The following FBXL17 variants were observed in gnomAD, a reference collection of about 807,000 sequenced individuals.
FBXL17 encodes the protein F-box/LRR-repeat protein 17.
Under a neutral mutation model 66.2 loss-of-function variants are expected in FBXL17, and 22 were observed. The observed-to-expected ratio is 0.33, with a 90% CI of 0.24 to 0.47. FBXL17 has a LOEUF of 0.47. Ranked by LOEUF, FBXL17 falls within the 20% of genes least tolerant of loss-of-function variation. The pLI is 1.00. For missense variants in FBXL17, 878 were observed against 948.2 expected (o/e 0.93, Z 0.97); for synonymous variants, 474 against 400.5 (o/e 1.18, Z -2.19).
intron 6 of FBXL17, among the ~76,000 whole-genome samples, chr5:108,151,714 G>A (rs1751778628): frequency 6.6e-6 from 1 of 152,102 alleles, no homozygotes; most frequent in Non-Finnish European, 1.5e-5. Flanking sequence ...AAATGGAAAG[G>A]CAATTTACAT....
chr5:108,129,970 G>A (rs1418460035), intron 6 of FBXL17, among the ~76,000 whole-genome samples: 2 of 151,416 alleles, frequency 1.3e-5, no homozygotes, highest in Admixed American at 1.3e-4. Context: ...TACAAGTTCC[G>A]ATAAGTCTCT....
At chr5:108,316,247 TTAAAA>T (rs1227573239) in intron 4 of FBXL17, among the ~76,000 whole-genome samples, 2 of 151,528 alleles carry the variant, frequency 1.3e-5, no homozygotes, top group African/African-American at 4.8e-5. Flanking sequence ...CAAACTGTTA[TTAAAA>T]TACTTTGCTA....
At chr5:107,930,264 T>A (rs1750685497) in intron 7 of FBXL17, among the ~76,000 whole-genome samples, 2 of 152,172 alleles carry the variant, frequency 1.3e-5, no homozygotes, top group Admixed American at 1.3e-4. Context: ...TCTGGGGCTG[T>A]GTTCATCTTC....
chr5:108,284,101 T>A (rs1162620326), intron 4 of FBXL17, among the ~76,000 whole-genome samples: 2 of 151,896 alleles, frequency 1.3e-5, no homozygotes, highest in Non-Finnish European at 2.9e-5. Flanking sequence ...TGTAAATTAG[T>A]ACAACCTCTA....
At chr5:108,049,000 G>C (rs573304099) in intron 6 of FBXL17, among the ~76,000 whole-genome samples, 12 of 152,230 alleles carry the variant, frequency 7.9e-5, no homozygotes, top group African/African-American at 2.6e-4. Flanking sequence ...ATAATCATCA[G>C]ATTCTCCAAG....
rs551129812 is a variant in FBXL17 at position 108,159,268 on chromosome 5, C to T, written c.1745+26849G>A. Among the ~76,000 whole-genome samples the T allele has an allele frequency of 2.0e-5, 3 of 152,248 alleles. No homozygotes were observed. In the South Asian group the frequency reaches 6.2e-4, roughly 32 times the overall value. Reference sequence around the variant, plus strand: ...CTTCAAAACACGATGAAATTTGATCCATAAAAATCCTACAGCAAAGGACAA... The same window carrying T: ...CTTCAAAACACGATGAAATTTGATCTATAAAAATCCTACAGCAAAGGACAA... On this transcript the variant is annotated intron_variant, in intron 6 of 8. Coordinates refer to ENST00000542267, the MANE Select transcript of FBXL17 (RefSeq NM_001163315.3).
intron 4 of FBXL17, among the ~76,000 whole-genome samples, chr5:108,264,488 A>G (rs987485445): frequency 1.3e-5 from 2 of 152,212 alleles, no homozygotes; most frequent in African/African-American, 4.8e-5. Flanking sequence ...TATATAAAGT[A>G]GGATAACAGG....
chr5:108,088,544 G>A (rs1179650233), intron 6 of FBXL17, among the ~76,000 whole-genome samples: 2 of 151,206 alleles, frequency 1.3e-5, no homozygotes, highest in Non-Finnish European at 3.0e-5. Flanking sequence ...TACTAAAAAT[G>A]CAAAAAATTA....
chr5:108,359,310 T>C (rs1428526902), intron 3 of FBXL17, among the ~76,000 whole-genome samples: 1 of 152,112 alleles, frequency 6.6e-6, no homozygotes, highest in Non-Finnish European at 1.5e-5. Flanking sequence ...CTATCATGTT[T>C]ATCTCTGGTC....
chr5:108,242,391 G>A, intron 4 of FBXL17, among the ~76,000 whole-genome samples: 1 of 133,692 alleles, frequency 7.5e-6, no homozygotes, highest in African/African-American at 2.9e-5. Flanking sequence ...TGTTGTTGTT[G>A]TTGTTGTCAT....
chr5:108,298,527 T>C (rs559659336), intron 4 of FBXL17: 3 of 974,694 alleles, frequency 3.1e-6, no homozygotes, highest in Non-Finnish European at 3.7e-6. Flanking sequence ...CTAACTTGCC[T>C]AATGATGCTA....
chr5:108,311,973 C>T (rs535219482), intron 4 of FBXL17, among the ~76,000 whole-genome samples: 1 of 152,290 alleles, frequency 6.6e-6, no homozygotes, highest in East Asian at 1.9e-4. Context: ...CTGACCCCAT[C>T]TCCTGTAGCT....
chr5:108,269,964 C>A (rs1048183030), intron 4 of FBXL17, among the ~76,000 whole-genome samples: 7 of 151,914 alleles, frequency 4.6e-5, no homozygotes, highest in African/African-American at 1.7e-4. Flanking sequence ...GGCTATATCC[C>A]CTCAATGGAG....
intron 7 of FBXL17, among the ~76,000 whole-genome samples, chr5:107,897,561 G>A (rs1009695606): frequency 6.6e-6 from 1 of 151,866 alleles, no homozygotes; most frequent in African/African-American, 2.4e-5. Context: ...CAATGCCCCC[G>A]GCCACCCAGA....
intron 6 of FBXL17, among the ~76,000 whole-genome samples, chr5:108,124,709 C>T (rs565419589): frequency 2.4e-4 from 36 of 152,122 alleles, no homozygotes; most frequent in African/African-American, 5.5e-4. Context: ...ATCATTCTCA[C>T]GGGAAAATAA....
intron 6 of FBXL17, among the ~76,000 whole-genome samples, chr5:108,039,791 TGTTATAGGTTTAA>T (rs1186109054): frequency 1.3e-5 from 2 of 152,112 alleles, no homozygotes; most frequent in African/African-American, 4.8e-5. Flanking sequence ...AGACATATTT[TGTTATAGGTTTAA>T]TTTAATATAG....
chr5:108,034,593 T>C (rs1194842377), intron 6 of FBXL17, among the ~76,000 whole-genome samples: 1 of 152,196 alleles, frequency 6.6e-6, no homozygotes, highest in Non-Finnish European at 1.5e-5. Context: ...AACATGCAGT[T>C]ATTTATTTTC....
At position 108,203,016 on chromosome 5, in the gene FBXL17, CTT is replaced by C. The variant is rs140598582; in HGVS notation, c.1615-16771_1615-16770del. Among the ~76,000 whole-genome samples, 736 of 152,128 alleles carry C rather than the reference CTT, an allele frequency of 4.8e-3. 4 individuals carry two copies. Among genetic ancestry groups the C allele is most frequent in the Non-Finnish European group, 7.5e-3 (510 of 68,000 alleles). On this transcript the variant is annotated intron_variant, in intron 5 of 8. Coordinates refer to ENST00000542267, the MANE Select transcript of FBXL17 (RefSeq NM_001163315.3). ...AGAGTAAACAAACATAGTTATTAAT[CTT>C]AACATTCAGCACTGACACTCAGGTA...
intron 4 of FBXL17, among the ~76,000 whole-genome samples, chr5:108,270,250 A>C (rs1290773985): frequency 1.3e-5 from 2 of 152,018 alleles, no homozygotes; most frequent in Admixed American, 1.3e-4. Context: ...AGAAACTCTC[A>C]GTGTCTGTGG....
Sources: gnomAD v4.1 joint callset for allele counts (sites outside exome capture counted in the v4.1 genomes callset) on GRCh38, gnomAD v4.1.1 for gene constraint, MANE v1.5 for transcripts, NCBI Gene and HGNC (gene_info 2026-07-23, HGNC 2026-07-21) for gene names.